The following VGLL4 variants were observed in gnomAD, a reference collection of about 807,000 sequenced individuals.
VGLL4 encodes vestigial like family member 4.
VGLL4 carries 7 observed loss-of-function variants against 21.0 expected under a neutral mutation model. The observed-to-expected ratio is 0.33, with a 90% CI of 0.19 to 0.63. The LOEUF is 0.63. Ranked by LOEUF, VGLL4 falls within the 20% of genes least tolerant of loss-of-function variation. The pLI, the probability that VGLL4 is intolerant of heterozygous loss-of-function variation, is 0.78. For synonymous variants in VGLL4, 222 were observed against 173.2 expected (o/e 1.28, Z -2.21); for missense variants, 394 against 425.7 (o/e 0.93, Z 0.66).
chr3:11,623,462 T>C (rs1296278838), intron 1 of VGLL4, among the ~76,000 whole-genome samples: 1 of 152,062 alleles, frequency 6.6e-6, no homozygotes, highest in Non-Finnish European at 1.5e-5. Context: ...CCTGCAATAT[T>C]TTCTGTCTGC....
intron 2 of VGLL4, among the ~76,000 whole-genome samples, chr3:11,688,745 G>A (rs1285698154): frequency 1.3e-5 from 2 of 152,252 alleles, no homozygotes; most frequent in African/African-American, 4.8e-5. Flanking sequence ...TAGACTGGGC[G>A]TGGTGGCTCA....
At chr3:11,564,107 T>G (rs893826578) in intron 3 of VGLL4, among the ~76,000 whole-genome samples, 2 of 152,216 alleles carry the variant, frequency 1.3e-5, no homozygotes, top group African/African-American at 4.8e-5. Context: ...CCCTGGAGAT[T>G]CGGAGAGCTC....
At position 11,568,604 on chromosome 3, in the gene VGLL4, C is replaced by G; in HGVS notation, c.273-3585G>C. The G allele has an allele frequency of 6.4e-7, 1 of 1,567,524 alleles. No individual in the cohort carries two copies. The highest frequency in any genetic ancestry group is 1.2e-5 in the South Asian group (1 of 85,324). Reference sequence around the variant, plus strand: ...TTTTAGTAAAATTATACATTACTCACATTTCCAGCTCATTTTCCTGGTTCC... The same window carrying G: ...TTTTAGTAAAATTATACATTACTCAGATTTCCAGCTCATTTTCCTGGTTCC... On this transcript the variant is annotated intron_variant, in intron 2 of 4. Transcript: ENST00000430365. The surrounding 1 kb of genome is among the most constrained non-coding windows in gnomAD (Gnocchi z 5.9).
At chr3:11,561,068 A>AGT (rs148231831) in intron 3 of VGLL4, among the ~76,000 whole-genome samples, 8,628 of 152,118 alleles carry the variant, frequency 0.057, 790 homozygotes, top group African/African-American at 0.19. Flanking sequence ...TCCAGCTCTC[A>AGT]GAGATGGCCA....
In VGLL4 at chr3:11,560,472, C is replaced by CT. The variant is rs137869808; in HGVS notation, c.496-1018dup. Among the ~76,000 whole-genome samples, 383 of 152,312 alleles carry CT rather than the reference C, an allele frequency of 2.5e-3. 1 individual carries two copies. Among genetic ancestry groups the CT allele is most frequent in the African/African-American group, 8.8e-3 (365 of 41,568 alleles). The stretch of plus-strand genomic sequence containing the variant: ...AGTGTCAGCCAGAGGGACGCTGGGC[C>CT]TTATCCTCCCCAGCCAGCCCTTTCC... On this transcript the variant is annotated intron_variant, in intron 3 of 4. Coordinates refer to ENST00000430365, the MANE Select transcript of VGLL4 (RefSeq NM_001128219.3).
intron 1 of VGLL4, among the ~76,000 whole-genome samples, chr3:11,629,130 G>C (rs79618664): frequency 0.02 from 3,056 of 152,156 alleles, 68 homozygotes; most frequent in East Asian, 0.067. Context: ...ATAAAATTCA[G>C]AATATAAAAT....
rs763394506 is a variant in VGLL4 at position 11,564,980 on chromosome 3, C to A, written c.312G>T (p.Arg104=). ...TANGDCRRDP[R]ERSRSPIERA... The stretch of plus-strand genomic sequence containing the variant: ...GCTCGATGGGGCTGCGGCTCCGCTC[C>A]CGGGGGTCTCTGCGGCAGTCTCCAT... Residue 104 remains arginine (R), a synonymous_variant, in exon 3 of 5, where the codon CGG becomes CGT. Coordinates refer to ENST00000430365, the MANE Select transcript of VGLL4 (RefSeq NM_001128219.3). 1.2e-5 allele frequency: 19 copies of A among 1,530,158 alleles called. No homozygotes were observed. In the Middle Eastern group the frequency reaches 5.2e-4, roughly 42 times the overall value. The allele number at this position is 1,530,158 out of a possible 1,614,324, so 94.8% of individuals were successfully genotyped here.
intron 1 of VGLL4, among the ~76,000 whole-genome samples, chr3:11,615,984 G>A (rs1335805202): frequency 1.3e-5 from 2 of 152,136 alleles, no homozygotes; most frequent in Non-Finnish European, 2.9e-5. Flanking sequence ...CACCCCTGGG[G>A]CTGAAAGGAA....
intron 2 of VGLL4, among the ~76,000 whole-genome samples, chr3:11,576,459 C>T (rs1431300284): frequency 6.6e-6 from 1 of 152,216 alleles, no homozygotes; most frequent in Admixed American, 6.5e-5. Context: ...CCTTGTATCA[C>T]AGAAGGGATG....
intron 2 of VGLL4, among the ~76,000 whole-genome samples, chr3:11,701,755 T>C (rs2076683707): frequency 6.6e-6 from 1 of 152,224 alleles, no homozygotes; most frequent in African/African-American, 2.4e-5. Context: ...CAGGAAGGAC[T>C]AAACTGGAAA....
intron 1 of VGLL4, among the ~76,000 whole-genome samples, chr3:11,636,351 A>C (rs1211221519): frequency 6.6e-6 from 1 of 152,238 alleles, no homozygotes; most frequent in Admixed American, 6.5e-5. Context: ...TTAACAGGAA[A>C]CTATTTTCAT....
chr3:11,714,704 T>C (rs2076895061), intron 1 of VGLL4, among the ~76,000 whole-genome samples: 1 of 152,224 alleles, frequency 6.6e-6, no homozygotes, highest in Non-Finnish European at 1.5e-5. Context: ...TTGGCATTTT[T>C]AGTTTCCTCT....
intron 1 of VGLL4, among the ~76,000 whole-genome samples, chr3:11,642,712 A>G (rs1176929231): frequency 6.6e-6 from 1 of 152,240 alleles, no homozygotes; most frequent in Non-Finnish European, 1.5e-5. Context: ...CAGTGGGGGA[A>G]GCACCTCGCG....
At chr3:11,605,995 T>C (rs910739118) in intron 1 of VGLL4, among the ~76,000 whole-genome samples, 1 of 152,224 alleles carries the variant, frequency 6.6e-6, no homozygotes, top group Non-Finnish European at 1.5e-5. Flanking sequence ...GTTCTCACGT[T>C]GCTGATAAAG....
intron 2 of VGLL4, among the ~76,000 whole-genome samples, chr3:11,678,550 T>G (rs1270705393): frequency 6.6e-6 from 1 of 152,196 alleles, no homozygotes; most frequent in African/African-American, 2.4e-5. Flanking sequence ...ACCTTAGCAT[T>G]TCATCCTAAC....
At chr3:11,712,114 C>T (rs2076854531) in intron 1 of VGLL4, among the ~76,000 whole-genome samples, 1 of 152,128 alleles carries the variant, frequency 6.6e-6, no homozygotes, top group Non-Finnish European at 1.5e-5. Context: ...TTTTTCTTCT[C>T]GCACTTTACC....
chr3:11,558,961 C>A, intron 4 of VGLL4, 134 bp from the exon 5 acceptor site: 1 of 1,087,930 alleles, frequency 9.2e-7, no homozygotes, highest in Admixed American at 2.4e-5. Context: ...CAGACAGAAC[C>A]CACCTCCCCC....
At chr3:11,711,363 C>A (rs556470154) in intron 1 of VGLL4, among the ~76,000 whole-genome samples, 9 of 151,976 alleles carry the variant, frequency 5.9e-5, no homozygotes, top group African/African-American at 2.2e-4. Context: ...CATGGTGAAA[C>A]CCCATCCCGG....
intron 1 of VGLL4, among the ~76,000 whole-genome samples, chr3:11,720,174 G>A: frequency 6.6e-6 from 1 of 152,052 alleles, no homozygotes; most frequent in African/African-American, 2.4e-5. Flanking sequence ...CCAAGCGCCC[G>A]GAGTTCAGCC....
Sources: gnomAD v4.1 joint callset for allele counts (sites outside exome capture counted in the v4.1 genomes callset) on GRCh38, gnomAD v4.1.1 for gene constraint, Gnocchi (gnomAD v3.1) non-coding constraint, MANE v1.5 for transcripts, NCBI Gene and HGNC (gene_info 2026-07-23, HGNC 2026-07-21) for gene names.